COL5A1: variants seen among roughly 807,000 people sequenced by gnomAD.
COL5A1 encodes collagen alpha-1(V) chain.
A neutral mutation model predicts 263.7 loss-of-function variants in COL5A1; 16 were observed. That is an observed-to-expected ratio of 0.06 (90% confidence interval 0.04 to 0.09). The LOEUF (loss-of-function observed/expected upper bound fraction) is 0.09, where lower values mean the gene tolerates loss of function less well. Among genes scored for constraint, COL5A1 ranks in the 10% least tolerant of loss-of-function variants. COL5A1 has a pLI of 1.00. For missense variants in COL5A1, 2,036 were observed against 2,540.5 expected (o/e 0.80, Z 4.27); for synonymous variants, 1,012 against 1,004.5 (o/e 1.01, Z -0.14).
At chr9:134,674,980 T>G (rs1481642912) in intron 1 of COL5A1, among the ~76,000 whole-genome samples, 1 of 152,208 alleles carries the variant, frequency 6.6e-6, no homozygotes, top group East Asian at 1.9e-4. Flanking sequence ...CGTTTCAATA[T>G]TCCCTTATTA....
At chr9:134,809,340 G>T in intron 43 of COL5A1, 50 bp downstream of exon 43, 1 of 1,397,126 alleles carries the variant, frequency 7.2e-7, no homozygotes, top group Non-Finnish European at 1.0e-6. Context: ...GGGCAGACGG[G>T]TGTGGGGGAG....
At chr9:134,762,893 G>A (rs571642652) in intron 19 of COL5A1, among the ~76,000 whole-genome samples, 25 of 152,220 alleles carry the variant, frequency 1.6e-4, no homozygotes, top group African/African-American at 4.6e-4. Flanking sequence ...GTGTGTATGC[G>A]TGCATATGTG....
intron 18 of COL5A1, among the ~76,000 whole-genome samples, chr9:134,761,292 AACAC>A (rs1466589522): frequency 1.3e-5 from 2 of 151,386 alleles, no homozygotes; most frequent in African/African-American, 2.4e-5. Context: ...CACTCACACA[AACAC>A]ACAGGCGCAC....
At chr9:134,773,524 G>A (rs905571304) in intron 26 of COL5A1, among the ~76,000 whole-genome samples, 2 of 152,212 alleles carry the variant, frequency 1.3e-5, no homozygotes, top group East Asian at 1.9e-4. Flanking sequence ...GCTCATGGTC[G>A]TCGGGAGCCT....
chr9:134,774,894 A>G lies in COL5A1; in HGVS notation c.2367A>G (p.Pro789=). Residue 789 remains proline (P), a synonymous_variant, in exon 27 of 66, where the codon CCA becomes CCG. Transcript: ENST00000371817. ...PPGPQGPIGY[P]GPRGVKGADG... ...GCCCCCAGGGTCCGATTGGCTACCC[A>G]GGTCCTCGAGGAGTCAAGGTGAGAG... is the stretch of plus-strand genomic sequence containing the variant. 6.2e-7 allele frequency: 1 copy of G among 1,613,636 alleles called. No homozygotes were observed. Among genetic ancestry groups the G allele is most frequent in the African/African-American group, 1.3e-5 (1 of 75,066 alleles).
At chr9:134,816,981 A>G in intron 52 of COL5A1, 45 bp from the exon 53 acceptor site, 3 of 1,566,100 alleles carry the variant, frequency 1.9e-6, no homozygotes, top group Non-Finnish European at 2.6e-6. Context: ...AATTGAGTCT[A>G]ACGGGCCCCA....
chr9:134,706,019 G>T lies in COL5A1; in HGVS notation c.654+4686G>T, dbSNP rs549374324. On this transcript the variant is annotated intron_variant, in intron 4 of 65. Transcript: ENST00000371817. Reference sequence around the variant, plus strand: ...CCCTCAGCAAGGTTTGGGTTCGCAGGCCCCTGTCCTCCTCCCCTGGCAGAG... The same window carrying T: ...CCCTCAGCAAGGTTTGGGTTCGCAGTCCCCTGTCCTCCTCCCCTGGCAGAG... 3.3e-5 allele frequency among the ~76,000 whole-genome samples: 5 copies of T among 152,342 alleles called. 1 individual carries two copies. Among genetic ancestry groups the T allele is most frequent in the African/African-American group, 1.2e-4 (5 of 41,582 alleles).
rs976629589 is a variant in COL5A1, at chr9:134,821,984, A to G, written c.4555-113A>G. ...GGAGGCTGCTGAGGGGCCAAAGGGC[A>G]TACCGTGGGGAAGGGACAGGGGAGC... On this transcript the variant is annotated intron_variant, in intron 58 of 65. Transcript: ENST00000371817. This position sits in a 1 kb window ranked among gnomAD's most constrained non-coding sequence, Gnocchi z 4.2. The G allele has an allele frequency of 2.2e-5, 20 of 915,862 alleles. No individual in the cohort carries two copies. The African/African-American group carries it at 3.1e-4, about 14-fold the overall frequency. 56.7% of individuals were successfully genotyped at this position (915,862 alleles called of 1,614,324 possible). A position where few individuals can be genotyped will look rare whatever the true frequency, so the allele number is the denominator to read the frequency against.
chr9:134,645,908 A>C (rs1259405252), intron 1 of COL5A1, among the ~76,000 whole-genome samples: 1 of 152,046 alleles, frequency 6.6e-6, no homozygotes, highest in Non-Finnish European at 1.5e-5. Context: ...TTTGGCCAAC[A>C]CAGCTTTTAA....
Position 134,822,065 on chromosome 9 carries a change from G to A in COL5A1, c.4555-32G>A, listed in dbSNP as rs757992063. On this transcript the variant is annotated intron_variant, in intron 58 of 65. Transcript: ENST00000371817. ...GCCCCGCAGCTCCTCCTCGTCTGAA[G>A]GTGATAACCTGCATTTTCTGGTCCT... The A allele has an allele frequency of 5.0e-6, 8 of 1,607,058 alleles. No homozygotes were observed. The Admixed American group carries it at 1.2e-4, about 23-fold the overall frequency.
At chr9:134,706,991 A>C (rs557942100) in intron 4 of COL5A1, among the ~76,000 whole-genome samples, 1 of 152,198 alleles carries the variant, frequency 6.6e-6, no homozygotes, top group Non-Finnish European at 1.5e-5. Flanking sequence ...GGAGGGCTCC[A>C]TGCACCTCTC....
chr9:134,679,236 G>A (rs1832762627), intron 1 of COL5A1, among the ~76,000 whole-genome samples: 1 of 152,050 alleles, frequency 6.6e-6, no homozygotes, highest in Non-Finnish European at 1.5e-5. Flanking sequence ...TCTGTCCCCT[G>A]CACTGTGGGG....
rs1445876355 is a variant in COL5A1 at position 134,750,524 on chromosome 9, T to C, written c.1495-18T>C. ...CTGGTTGCACTCTGACTTGTCTCTC[T>C]TGGCCCCTTGTCTTCAGGGCCCCCC... On this transcript the variant is annotated intron_variant, in intron 11 of 65. Transcript: ENST00000371817. The C allele has an allele frequency of 6.2e-7, 1 of 1,612,500 alleles. No homozygotes were observed. The highest frequency in any genetic ancestry group is 8.5e-7 in the Non-Finnish European group (1 of 1,179,020).
intron 32 of COL5A1, among the ~76,000 whole-genome samples, chr9:134,793,277 G>A (rs114642174): frequency 0.012 from 1,767 of 152,076 alleles, 32 homozygotes; most frequent in African/African-American, 0.04. Context: ...CTCAAGCTGC[G>A]TTTGGCTTCC....
chr9:134,780,224 G>C, intron 28 of COL5A1, 78 bp downstream of exon 28: 5 of 1,396,154 alleles, frequency 3.6e-6, no homozygotes, highest in Non-Finnish European at 5.1e-6. Flanking sequence ...CTCCCACAAT[G>C]CTTCTTCCAT....
At chr9:134,649,584 T>C (rs1276538535) in intron 1 of COL5A1, 1 of 443,348 alleles carries the variant, frequency 2.3e-6, no homozygotes, top group Non-Finnish European at 4.5e-6. Flanking sequence ...CTCTTTTTTT[T>C]CTGTAAATAA....
rs1834282856 is a variant in COL5A1, at chr9:134,716,923, A to G, written c.655-10343A>G. ...GCGAGGACATGGCGGGGACAGCAGA[A>G]AGCAATTTCCGACGACATGAAAATA... On this transcript the variant is annotated intron_variant, in intron 4 of 65. Coordinates refer to ENST00000371817, the MANE Select transcript of COL5A1 (RefSeq NM_000093.5). This position sits in a 1 kb window ranked among gnomAD's most constrained non-coding sequence, Gnocchi z 4.5. Among the ~76,000 whole-genome samples the G allele has an allele frequency of 6.6e-6, 1 of 152,172 alleles. No individual in the cohort carries two copies. The highest frequency in any genetic ancestry group is 2.1e-4 in the South Asian group (1 of 4,820).
At chr9:134,698,746 C>A (rs887756827) in intron 2 of COL5A1, among the ~76,000 whole-genome samples, 1 of 152,240 alleles carries the variant, frequency 6.6e-6, no homozygotes, top group African/African-American at 2.4e-5. Flanking sequence ...GCCGCAGATC[C>A]AGACTCTGCT....
intron 11 of COL5A1, among the ~76,000 whole-genome samples, chr9:134,743,386 T>C (rs528643031): frequency 2.0e-5 from 3 of 152,286 alleles, no homozygotes; most frequent in South Asian, 2.1e-4. Context: ...CATCTATTGC[T>C]CTTAAGAGAG....
Sources: allele counts gnomAD v4.1 joint callset (sites outside exome capture counted in the v4.1 genomes callset), GRCh38; gene constraint gnomAD v4.1.1; non-coding constraint Gnocchi (gnomAD v3.1); transcripts MANE v1.5; gene names NCBI Gene and HGNC (gene_info 2026-07-23, HGNC 2026-07-21).